Variants in SOX5 observed in about 807,000 individuals in gnomAD.
The protein encoded by SOX5 is transcription factor SOX-5.
Under a neutral mutation model 92.0 loss-of-function variants are expected in SOX5, and 9 were observed. That is an observed-to-expected ratio of 0.10 (90% CI 0.06 to 0.17). The LOEUF is 0.17. Ranked by LOEUF, SOX5 falls within the 10% of genes least tolerant of loss-of-function variation. The pLI is 1.00. For synonymous variants in SOX5, 344 were observed against 336.3 expected, an observed-to-expected ratio of 1.02 and a Z score of -0.25; for missense variants, 642 against 944.5, an observed-to-expected ratio of 0.68 and a Z score of 4.20.
At chr12:24,386,416 A>G (rs996254270) in intron 1 of SOX5, among the ~76,000 whole-genome samples, 3 of 152,196 alleles carry the variant, frequency 2.0e-5, no homozygotes, top group Non-Finnish European at 2.9e-5. Flanking sequence ...TGTATTAAAT[A>G]TAAGTGTAAT....
At chr12:24,407,953 G>A (rs1963326208) in intron 1 of SOX5, among the ~76,000 whole-genome samples, 1 of 152,166 alleles carries the variant, frequency 6.6e-6, no homozygotes, top group Non-Finnish European at 1.5e-5. Flanking sequence ...CCCAGGTTAG[G>A]GAATCACTCA....
chr12:24,437,934 A>G (rs1939762268), intron 1 of SOX5, among the ~76,000 whole-genome samples: 1 of 152,248 alleles, frequency 6.6e-6, no homozygotes, highest in African/African-American at 2.4e-5. Flanking sequence ...ATTACTGGGT[A>G]TATACCCAAA....
intron 8 of SOX5, among the ~76,000 whole-genome samples, chr12:23,630,538 A>G (rs990284655): frequency 4.6e-5 from 7 of 152,058 alleles, no homozygotes; most frequent in African/African-American, 1.7e-4. Context: ...TCCTTTAAGC[A>G]ATAACAAATA....
intron 4 of SOX5, among the ~76,000 whole-genome samples, chr12:23,970,841 A>ATATATATTTTTTTTTTTT: frequency 1.8e-4 from 4 of 21,884 alleles, no homozygotes; most frequent in Non-Finnish European, 4.1e-4. Context: ...TATATATATA[A>ATATATATTTTTTTTTTTT]TTTTTTTTTT....
At chr12:24,097,623 T>C (rs1369576565) in intron 4 of SOX5, among the ~76,000 whole-genome samples, 1 of 152,134 alleles carries the variant, frequency 6.6e-6, no homozygotes, top group Non-Finnish European at 1.5e-5. Context: ...CTTTTACTTT[T>C]GGAGAAATTT....
intron 2 of SOX5, among the ~76,000 whole-genome samples, chr12:24,364,545 C>T (rs868662872): frequency 0.02 from 1,629 of 80,034 alleles, 23 homozygotes; most frequent in African/African-American, 0.064. Context: ...TATATATATA[C>T]ACGAATAAAT....
chr12:23,708,495 T>G, intron 6 of SOX5, among the ~76,000 whole-genome samples: 1 of 152,092 alleles, frequency 6.6e-6, no homozygotes, highest in East Asian at 1.9e-4. Flanking sequence ...AAACATTTAA[T>G]TTTGTAGAGA....
intron 6 of SOX5, among the ~76,000 whole-genome samples, chr12:23,697,207 A>AT (rs1251419709): frequency 6.6e-6 from 1 of 152,132 alleles, no homozygotes; most frequent in Non-Finnish European, 1.5e-5. Flanking sequence ...TCTCATGTTA[A>AT]TTTTATTAAT....
intron 10 of SOX5, 112 bp downstream of exon 10, chr12:23,575,549 G>A: frequency 1.0e-6 from 1 of 971,578 alleles, no homozygotes; most frequent in Non-Finnish European, 1.6e-6. Context: ...AATTGAAGCT[G>A]TCCTATAGAA....
At chr12:24,436,031 T>C (rs1344995850) in intron 1 of SOX5, among the ~76,000 whole-genome samples, 1 of 152,194 alleles carries the variant, frequency 6.6e-6, no homozygotes, top group African/African-American at 2.4e-5. Flanking sequence ...ATATTGTGTG[T>C]GCTCTGACTG....
intron 1 of SOX5, among the ~76,000 whole-genome samples, chr12:23,945,522 G>T (rs1328819607): frequency 6.6e-6 from 1 of 152,154 alleles, no homozygotes; most frequent in Non-Finnish European, 1.5e-5. Context: ...TGATAGAAAT[G>T]TGGTTTATGA....
chr12:24,408,865 T>C (rs1250005835), intron 1 of SOX5, among the ~76,000 whole-genome samples: 1 of 152,226 alleles, frequency 6.6e-6, no homozygotes, highest in Non-Finnish European at 1.5e-5. Context: ...GGAACGCTTT[T>C]ACACTGCTGG....
At chr12:24,261,275 C>G (rs1433313019) in intron 3 of SOX5, among the ~76,000 whole-genome samples, 5 of 152,078 alleles carry the variant, frequency 3.3e-5, no homozygotes, top group African/African-American at 9.7e-5. Flanking sequence ...AAATTTTTAG[C>G]AGAAAAGGTA....
chr12:24,030,649 A>G (rs1247438596), intron 4 of SOX5, among the ~76,000 whole-genome samples: 1 of 152,000 alleles, frequency 6.6e-6, no homozygotes, highest in Admixed American at 6.6e-5. Context: ...CCTTCTTCAG[A>G]TATGACCAGA....
chr12:24,045,767 A>G (rs1219913650), intron 4 of SOX5, among the ~76,000 whole-genome samples: 1 of 152,210 alleles, frequency 6.6e-6, no homozygotes, highest in East Asian at 1.9e-4. Flanking sequence ...TCTTTATAAA[A>G]TTATCCCTCT....
intron 4 of SOX5, among the ~76,000 whole-genome samples, chr12:24,066,707 T>C (rs1202278939): frequency 6.6e-6 from 1 of 152,158 alleles, no homozygotes; most frequent in East Asian, 1.9e-4. Context: ...AATGTAGCAG[T>C]GGTTAAAAGT....
intron 1 of SOX5, among the ~76,000 whole-genome samples, chr12:24,556,223 T>C (rs1176356012): frequency 2.0e-5 from 3 of 152,240 alleles, no homozygotes; most frequent in Non-Finnish European, 4.4e-5. Context: ...GGCAACTGCT[T>C]CTTCAGGAAC....
At chr12:23,979,905 CTGG>C (rs1175003778) in intron 4 of SOX5, among the ~76,000 whole-genome samples, 76,648 of 125,756 alleles carry the variant, frequency 0.61, 24,062 homozygotes, top group East Asian at 0.8. Context: ...GGCTGGCTGG[CTGG>C]CTGGCCAGAC....
chr12:23,702,055 A>T (rs1331138214), intron 6 of SOX5, among the ~76,000 whole-genome samples: 3 of 152,060 alleles, frequency 2.0e-5, no homozygotes, highest in Non-Finnish European at 2.9e-5. Context: ...ACAGAGCTGA[A>T]AGTCTAACTC....
Sources: allele counts gnomAD v4.1 joint callset (sites outside exome capture counted in the v4.1 genomes callset), GRCh38; gene constraint gnomAD v4.1.1; transcripts MANE v1.5; gene names NCBI Gene and HGNC (gene_info 2026-07-23, HGNC 2026-07-21).